The following LOXHD1 variants were observed in gnomAD, a reference collection of about 807,000 sequenced individuals.
LOXHD1 encodes lipoxygenase homology domain-containing protein 1.
Under a neutral mutation model 248.2 loss-of-function variants are expected in LOXHD1, and 205 were observed. That is an observed-to-expected ratio of 0.83 (90% confidence interval 0.74 to 0.93). The LOEUF (loss-of-function observed/expected upper bound fraction) is 0.93, where lower values mean the gene tolerates loss of function less well. Among genes scored for constraint, LOXHD1 ranks in the 40% least tolerant of loss-of-function variants. LOXHD1 has a pLI of 0.00. For missense variants in LOXHD1, 2,930 were observed against 2,971.6 expected, an observed-to-expected ratio of 0.99 and a Z score of 0.33; for synonymous variants, 1,113 against 1,162.8, an observed-to-expected ratio of 0.96 and a Z score of 0.87.
At chr18:46,601,891 G>A (rs1369822563) in intron 7 of LOXHD1, among the ~76,000 whole-genome samples, 1 of 152,064 alleles carries the variant, frequency 6.6e-6, no homozygotes, top group Non-Finnish European at 1.5e-5. Flanking sequence ...TTACGTTCAG[G>A]GCTATCTGAT....
At chr18:46,618,552 C>T (rs2038623160) in intron 4 of LOXHD1, among the ~76,000 whole-genome samples, 1 of 152,140 alleles carries the variant, frequency 6.6e-6, no homozygotes, top group Non-Finnish European at 1.5e-5. Flanking sequence ...GATGTATGAC[C>T]ATCACTGTAT....
chr18:46,590,459 G>A lies in LOXHD1; in HGVS notation c.1654+1474C>T, dbSNP rs561905412. ...TTAAAAGGGTTTCAAAAGCAGTTAC[G>A]GCCCAAGACTTCTCCCCAGTTCTTT... On this transcript the variant is annotated intron_variant, in intron 12 of 40. Coordinates refer to ENST00000642948, the MANE Select transcript of LOXHD1 (RefSeq NM_001384474.1). Among the ~76,000 whole-genome samples, 420 of 152,186 alleles carry A rather than the reference G, an allele frequency of 2.8e-3. 3 individuals are homozygous for A. Among genetic ancestry groups the A allele is most frequent in the African/African-American group, 9.5e-3 (394 of 41,530 alleles).
At chr18:46,517,980 G>T in intron 34 of LOXHD1, 149 bp downstream of exon 34, 1 of 955,152 alleles carries the variant, frequency 1.0e-6, no homozygotes, top group Non-Finnish European at 1.6e-6. Context: ...AAAGAGAAAG[G>T]TACTGAGACA....
chr18:46,565,882 A>AT (rs138576500), intron 17 of LOXHD1, among the ~76,000 whole-genome samples: 6,703 of 151,258 alleles, frequency 0.044, 361 homozygotes, highest in African/African-American at 0.13. Flanking sequence ...CTGACTGTGT[A>AT]TTTTTTTTTG....
intron 37 of LOXHD1, among the ~76,000 whole-genome samples, chr18:46,499,128 G>T (rs1413202849): frequency 6.6e-6 from 1 of 152,234 alleles, no homozygotes; most frequent in Non-Finnish European, 1.5e-5. Flanking sequence ...AGTCTTGAGA[G>T]ACTCAAAAGT....
At chr18:46,521,311 G>A (rs547570965) in intron 32 of LOXHD1, 29 bp from the exon 33 acceptor site, 161 of 1,550,976 alleles carry the variant, frequency 1.0e-4, no homozygotes, top group African/African-American at 9.3e-4. Context: ...GATCTGTGAC[G>A]ATCTGGGCAC....
chr18:46,495,901 G>T (rs2033832385), intron 37 of LOXHD1, among the ~76,000 whole-genome samples: 1 of 152,052 alleles, frequency 6.6e-6, no homozygotes, highest in African/African-American at 2.4e-5. Context: ...GTGTGGTGCT[G>T]CACACCTGTA....
Position 46,560,499 on chromosome 18 carries a change from T to C in LOXHD1, c.2645A>G (p.His882Arg). 1.3e-6 allele frequency: 2 copies of C among 1,537,578 alleles called. No homozygotes were observed. The highest frequency in any genetic ancestry group is 1.7e-6 in the Non-Finnish European group (2 of 1,146,546). Reference sequence around the variant, plus strand: ...GCTGGGCCCAAAGCCCTCGCCCGTGTGCCCGAGCCGGAGCTTATAGACCTC... The same window carrying C: ...GCTGGGCCCAAAGCCCTCGCCCGTGCGCCCGAGCCGGAGCTTATAGACCTC... ...VGEVYKLRLGHTGEGFGPSWF... is the reference protein window; with the variant it reads ...VGEVYKLRLGRTGEGFGPSWF... Residue 882 changes from histidine (H) to arginine (R), a missense_variant, in exon 19 of 41, where the codon CAC becomes CGC. Coordinates refer to ENST00000642948, the MANE Select transcript of LOXHD1 (RefSeq NM_001384474.1).
chr18:46,619,434 GTGT>G (rs1387639316), intron 4 of LOXHD1, among the ~76,000 whole-genome samples: 2 of 152,244 alleles, frequency 1.3e-5, no homozygotes, highest in East Asian at 3.9e-4. Flanking sequence ...TTACTGTCTT[GTGT>G]TGTTTGCCAT....
At chr18:46,565,089 C>A (rs1052957198) in intron 17 of LOXHD1, among the ~76,000 whole-genome samples, 1 of 152,070 alleles carries the variant, frequency 6.6e-6, no homozygotes, top group Non-Finnish European at 1.5e-5. Context: ...CATGGTGAAA[C>A]CCCATCTCTA....
intron 22 of LOXHD1, among the ~76,000 whole-genome samples, chr18:46,546,526 T>A (rs950998986): frequency 1.4e-4 from 21 of 148,286 alleles, no homozygotes; most frequent in African/African-American, 5.2e-4. Context: ...TCCACTCTAC[T>A]CCATTCCATT....
intron 6 of LOXHD1, among the ~76,000 whole-genome samples, chr18:46,605,552 T>A (rs900973770): frequency 6.6e-6 from 1 of 152,002 alleles, no homozygotes; most frequent in Non-Finnish European, 1.5e-5. Context: ...GTATATAGAT[T>A]TTTAGGAATG....
At chr18:46,544,951 A>G (rs1195457696) in intron 23 of LOXHD1, 2 of 479,992 alleles carry the variant, frequency 4.2e-6, no homozygotes, top group South Asian at 1.5e-5. Context: ...TGGACCCAAC[A>G]CTAAACACCA....
rs1453084551 is a variant in LOXHD1, at chr18:46,524,811, T to G, written c.4637A>C (p.Glu1546Ala). The G allele has an allele frequency of 6.4e-6, 10 of 1,551,760 alleles. No homozygotes were observed. The highest frequency in any genetic ancestry group is 7.8e-6 in the Non-Finnish European group (9 of 1,147,012). ...WCADWYVEKV[E>A]IWNDTNEDEF... Reference sequence around the variant, plus strand: ...GTCCTCGTTGGTGTCATTCCAGATCTCCACCTTCTCCACGTACCAGTCTGC... The same window carrying G: ...GTCCTCGTTGGTGTCATTCCAGATCGCCACCTTCTCCACGTACCAGTCTGC... Residue 1546 changes from glutamate to alanine, a missense_variant, in exon 30 of 41, where the codon GAG becomes GCG. Transcript: ENST00000642948.
intron 4 of LOXHD1, among the ~76,000 whole-genome samples, chr18:46,635,837 G>T (rs1202247285): frequency 6.6e-6 from 1 of 152,084 alleles, no homozygotes; most frequent in East Asian, 1.9e-4. Flanking sequence ...ACTTGAATCA[G>T]GCAAAACTCT....
At chr18:46,649,048 TG>T in intron 2 of LOXHD1, 106 bp downstream of exon 2, 2 of 862,228 alleles carry the variant, frequency 2.3e-6, no homozygotes, top group Non-Finnish European at 3.8e-6. Flanking sequence ...TAATAACCTG[TG>T]GTCAGATGTG....
chr18:46,510,348 A>G (rs1297473769), intron 34 of LOXHD1, among the ~76,000 whole-genome samples: 1 of 152,216 alleles, frequency 6.6e-6, no homozygotes, highest in East Asian at 1.9e-4. Context: ...AAAACTGAAC[A>G]CAGTGCCCTG....
intron 37 of LOXHD1, among the ~76,000 whole-genome samples, chr18:46,491,981 G>C (rs1008698858): frequency 6.6e-6 from 1 of 152,178 alleles, no homozygotes; most frequent in Non-Finnish European, 1.5e-5. Flanking sequence ...GAATTCCTCA[G>C]AGAAACTCCT....
intron 40 of LOXHD1, among the ~76,000 whole-genome samples, chr18:46,482,263 A>T (rs1013762641): frequency 1.3e-5 from 2 of 152,202 alleles, no homozygotes; most frequent in African/African-American, 2.4e-5. Context: ...GGAACCCCCA[A>T]TGCCATGGTA....
Sources: allele counts gnomAD v4.1 joint callset (sites outside exome capture counted in the v4.1 genomes callset), GRCh38; gene constraint gnomAD v4.1.1; transcripts MANE v1.5; gene names NCBI Gene and HGNC (gene_info 2026-07-23, HGNC 2026-07-21).